Variants in DLGAP2 observed in about 807,000 individuals in gnomAD.
DLGAP2 encodes DLG associated protein 2.
Under a neutral mutation model 100.3 loss-of-function variants are expected in DLGAP2, and 26 were observed. The observed-to-expected ratio is 0.26, with a 90% CI of 0.19 to 0.36. The LOEUF is 0.36. Ranked by LOEUF, DLGAP2 falls within the 10% of genes least tolerant of loss-of-function variation. DLGAP2 has a pLI of 1.00. For missense variants in DLGAP2, 1,858 were observed against 1,453.2 expected (o/e 1.28, Z -4.53); for synonymous variants, 886 against 630.1 (o/e 1.41, Z -6.08).
intron 2 of DLGAP2, among the ~76,000 whole-genome samples, chr8:1,162,054 T>A (rs1796902373): frequency 6.6e-6 from 1 of 152,164 alleles, no homozygotes; most frequent in African/African-American, 2.4e-5. Context: ...GCCCGGAGCC[T>A]GCGTTTGCAG....
At chr8:1,365,470 T>G (rs1802088175) in intron 3 of DLGAP2, among the ~76,000 whole-genome samples, 1 of 152,112 alleles carries the variant, frequency 6.6e-6, no homozygotes, top group African/African-American at 2.4e-5. Context: ...TCACTCCTAA[T>G]GAAGAAGAAA....
intron 3 of DLGAP2, among the ~76,000 whole-genome samples, chr8:1,474,062 T>G (rs1008263604): frequency 6.6e-5 from 10 of 152,056 alleles, no homozygotes; most frequent in Non-Finnish European, 1.5e-4. Context: ...GTCCCCAAAG[T>G]CCATTGTATC....
chr8:774,233 A>T (rs1206438564), intron 1 of DLGAP2, among the ~76,000 whole-genome samples: 2 of 152,240 alleles, frequency 1.3e-5, no homozygotes, highest in Non-Finnish European at 2.9e-5. Flanking sequence ...AGTTCATTGT[A>T]GATTCTGGAT....
rs117412336 is a variant in DLGAP2 at position 859,015 on chromosome 8, A to T, written c.19-48897A>T. Among the ~76,000 whole-genome samples the T allele has an allele frequency of 5.7e-4, 87 of 152,356 alleles. No homozygotes were observed. In the East Asian group the frequency reaches 0.016, roughly 28 times the overall value. ...TGAACTTTGTGCTCAACTTTTCTGT[A>T]AGCCTATAAAAAATAGTATTTTAAT... On this transcript the variant is annotated intron_variant, in intron 1 of 14. Coordinates refer to ENST00000637795, the MANE Select transcript of DLGAP2 (RefSeq NM_001346810.2).
chr8:1,004,978 C>T (rs1584965280), intron 2 of DLGAP2, among the ~76,000 whole-genome samples: 1 of 152,244 alleles, frequency 6.6e-6, no homozygotes, highest in East Asian at 1.9e-4. Flanking sequence ...CACACAGGGC[C>T]CTGGCTTTTT....
intron 1 of DLGAP2, chr8:739,213 C>T (rs1425603003): frequency 6.6e-6 from 1 of 152,304 alleles, no homozygotes; most frequent in Admixed American, 6.5e-5. Flanking sequence ...TCTTCCCGGA[C>T]TCGAGGCTGG....
chr8:999,922 G>A (rs569653086), intron 2 of DLGAP2, among the ~76,000 whole-genome samples: 4 of 150,604 alleles, frequency 2.7e-5, no homozygotes, highest in Non-Finnish European at 6.0e-5. Context: ...AGATCCGGGT[G>A]GAGGTGGTTT....
intron 6 of DLGAP2, 94 bp from the exon 7 acceptor site, chr8:1,626,646 C>A: frequency 4.7e-6 from 7 of 1,489,608 alleles, no homozygotes; most frequent in Non-Finnish European, 5.4e-6. Context: ...GTGGTGGGTG[C>A]TCAGCCTCTG....
At chr8:1,565,190 T>A (rs1802347302) in intron 5 of DLGAP2, among the ~76,000 whole-genome samples, 2 of 152,256 alleles carry the variant, frequency 1.3e-5, no homozygotes, top group African/African-American at 4.8e-5. Context: ...CTCTGAGTAC[T>A]GAGAATTTGC....
At chr8:901,923 C>A (rs1227149713) in intron 1 of DLGAP2, among the ~76,000 whole-genome samples, 2 of 152,202 alleles carry the variant, frequency 1.3e-5, no homozygotes, top group Non-Finnish European at 2.9e-5. Flanking sequence ...AGTTTGGATC[C>A]TCCGGGATGG....
In DLGAP2 at chr8:1,378,453, G is replaced by A. The variant is rs542199443; in HGVS notation, c.106+119570G>A. Among the ~76,000 whole-genome samples the A allele has an allele frequency of 5.0e-3, 698 of 138,418 alleles. 2 individuals carry two copies. The highest frequency in any genetic ancestry group is 0.018 in the African/African-American group (644 of 36,210). The allele number at this position is 138,418 out of a possible 152,430, so 90.8% of individuals were successfully genotyped here. ...ACCTGACCTCACCTGTCCATCCTGC[G>A]CACACCTGACTTCGCCTGTCCATCC... On this transcript the variant is annotated intron_variant, in intron 3 of 14. Transcript: ENST00000637795.
chr8:1,348,111 G>A (rs573682068), intron 3 of DLGAP2, among the ~76,000 whole-genome samples: 2 of 151,706 alleles, frequency 1.3e-5, no homozygotes, highest in Admixed American at 6.6e-5. Flanking sequence ...GAGCTACATT[G>A]CTCTCGTGTT....
intron 2 of DLGAP2, among the ~76,000 whole-genome samples, chr8:1,029,608 C>G (rs532762958): frequency 7.6e-6 from 1 of 131,600 alleles, no homozygotes; most frequent in Non-Finnish European, 1.5e-5. Context: ...CCAACAGGTT[C>G]TGGCAGGATG....
intron 2 of DLGAP2, among the ~76,000 whole-genome samples, chr8:1,156,607 C>T (rs1298548089): frequency 1.1e-3 from 167 of 151,804 alleles, no homozygotes; most frequent in Non-Finnish European, 2.1e-3. Context: ...CCCAGCCTAG[C>T]GTCCCAGCCC....
At chr8:1,234,741 G>C (rs1406163495) in intron 2 of DLGAP2, among the ~76,000 whole-genome samples, 5 of 152,156 alleles carry the variant, frequency 3.3e-5, no homozygotes, top group African/African-American at 1.2e-4. Flanking sequence ...CCCTTTCTGG[G>C]AACTCATAGG....
chr8:738,002 G>T (rs1476229378), intron 1 of DLGAP2, 177 bp downstream of exon 1: 2 of 321,832 alleles, frequency 6.2e-6, no homozygotes, highest in Admixed American at 5.0e-5. Flanking sequence ...CCCAGGGACA[G>T]CCTGTGCTCG....
intron 2 of DLGAP2, among the ~76,000 whole-genome samples, chr8:1,142,720 C>T (rs908852151): frequency 3.3e-5 from 5 of 152,060 alleles, no homozygotes; most frequent in African/African-American, 1.2e-4. Flanking sequence ...CCATTGTCAT[C>T]CCTGCATTAT....
In DLGAP2 at chr8:755,636, G is replaced by A. The variant is rs376672511; in HGVS notation, c.18+17811G>A. Among the ~76,000 whole-genome samples, 76 of 152,310 alleles carry A rather than the reference G, an allele frequency of 5.0e-4. 2 individuals carry two copies. The South Asian group carries it at 9.5e-3, about 19-fold the overall frequency. ...GGCAGGTGGGGGTGAATGTATTCCA[G>A]GCCCAGGGAGAGAGGGAGGGGTGGA... On this transcript the variant is annotated intron_variant, in intron 1 of 14. Transcript: ENST00000637795.
At chr8:1,676,710 A>G (rs1036674723) in intron 11 of DLGAP2, 92 bp downstream of exon 11, 18 of 1,269,300 alleles carry the variant, frequency 1.4e-5, no homozygotes, top group East Asian at 2.5e-5. Context: ...CCGGCCCTCA[A>G]TCATGCCTGT....
Sources: gnomAD v4.1 joint callset for allele counts (sites outside exome capture counted in the v4.1 genomes callset) on GRCh38, gnomAD v4.1.1 for gene constraint, MANE v1.5 for transcripts, NCBI Gene and HGNC (gene_info 2026-07-23, HGNC 2026-07-21) for gene names.